WDPCP: variants seen among roughly 807,000 people sequenced by gnomAD.
WDPCP encodes WD repeat containing planar cell polarity effector.
WDPCP carries 71 observed loss-of-function variants against 93.1 expected under a neutral mutation model. That is an observed-to-expected ratio of 0.76 (90% confidence interval 0.63 to 0.93). WDPCP has a LOEUF of 0.93. Ranked by LOEUF, WDPCP falls within the 40% of genes least tolerant of loss-of-function variation. The probability of loss-of-function intolerance (pLI) is 0.00; values close to 1 mark genes in which losing one functional copy is unlikely to be tolerated. For missense variants in WDPCP, 844 were observed against 887.4 expected (o/e 0.95, Z 0.62); for synonymous variants, 315 against 315.0 (o/e 1.00, Z 0.00).
At chr2:63,516,229 A>G (rs1219615727) in intron 1 of WDPCP, among the ~76,000 whole-genome samples, 1 of 152,078 alleles carries the variant, frequency 6.6e-6, no homozygotes, top group Non-Finnish European at 1.5e-5. Context: ...TGATATTGCA[A>G]TACATTCATA....
chr2:63,689,648 C>T (rs1008734242), intron 2 of WDPCP, among the ~76,000 whole-genome samples: 1 of 152,204 alleles, frequency 6.6e-6, no homozygotes, highest in Non-Finnish European at 1.5e-5. Flanking sequence ...GAGAAAACAG[C>T]ATCATTGCTT....
At chr2:63,319,347 C>T (rs1686913165) in intron 12 of WDPCP, among the ~76,000 whole-genome samples, 1 of 151,990 alleles carries the variant, frequency 6.6e-6, no homozygotes, top group South Asian at 2.1e-4. Flanking sequence ...AAATTCTAAA[C>T]TTGAATGTAC....
chr2:63,632,564 G>A (rs988245632), intron 3 of WDPCP, among the ~76,000 whole-genome samples: 32 of 152,128 alleles, frequency 2.1e-4, no homozygotes, highest in Non-Finnish European at 4.1e-4. Context: ...GCTGAAGAAT[G>A]CAATGAATAA....
At chr2:63,446,415 T>C (rs1297552396) in intron 6 of WDPCP, among the ~76,000 whole-genome samples, 1 of 152,236 alleles carries the variant, frequency 6.6e-6, no homozygotes, top group Admixed American at 6.5e-5. Flanking sequence ...CTAGAGACAC[T>C]GCAGCTGTCA....
Position 63,221,661 on chromosome 2 carries a change from C to A in WDPCP, c.1915+37646G>T, listed in dbSNP as rs547692884. Among the ~76,000 whole-genome samples the A allele has an allele frequency of 2.0e-5, 3 of 152,224 alleles. No homozygotes were observed. The South Asian group carries it at 6.2e-4, about 32-fold the overall frequency. On this transcript the variant is annotated intron_variant, in intron 14 of 17. Coordinates refer to ENST00000272321, the MANE Select transcript of WDPCP (RefSeq NM_015910.7). ...GGAGCTTTTTAAAAGATACATAGAA[C>A]CAGGTGTATTGGTAGATAACTTCCC...
intron 13 of WDPCP, among the ~76,000 whole-genome samples, chr2:63,308,066 C>T (rs1685883148): frequency 6.6e-6 from 1 of 152,006 alleles, no homozygotes; most frequent in South Asian, 2.1e-4. Flanking sequence ...ACAAACAACC[C>T]CATCAAAAAG....
chr2:63,752,737 G>A (rs531919352), intron 2 of WDPCP: 1 of 216,380 alleles, frequency 4.6e-6, no homozygotes, highest in African/African-American at 2.3e-5. Flanking sequence ...TCCATTTTAG[G>A]ATTTATCAAT....
intron 3 of WDPCP, among the ~76,000 whole-genome samples, chr2:63,487,209 C>T (rs1700623801): frequency 6.6e-6 from 1 of 151,960 alleles, no homozygotes; most frequent in Admixed American, 6.6e-5. Flanking sequence ...TATAATCAGC[C>T]TGATCAGCAG....
chr2:63,373,434 T>A (rs1472874397), intron 12 of WDPCP, among the ~76,000 whole-genome samples: 1 of 151,744 alleles, frequency 6.6e-6, no homozygotes, highest in Non-Finnish European at 1.5e-5. Flanking sequence ...TAAAAAACGT[T>A]TTGTAGAGAC....
At chr2:63,618,156 C>A (rs1488181269) in intron 3 of WDPCP, among the ~76,000 whole-genome samples, 1 of 152,024 alleles carries the variant, frequency 6.6e-6, no homozygotes, top group Admixed American at 6.6e-5. Flanking sequence ...GAAATAAGAA[C>A]AATTTTCTTT....
At chr2:63,738,118 G>C (rs1291583812) in intron 2 of WDPCP, among the ~76,000 whole-genome samples, 3 of 152,054 alleles carry the variant, frequency 2.0e-5, no homozygotes, top group Non-Finnish European at 4.4e-5. Context: ...CCAGTGCTTA[G>C]GTGCTCTGTA....
intron 1 of WDPCP, among the ~76,000 whole-genome samples, chr2:63,816,390 T>C (rs886985280): frequency 2.0e-5 from 3 of 152,138 alleles, no homozygotes; most frequent in African/African-American, 7.2e-5. Context: ...GTGCCTATAT[T>C]TGGGAAAAGG....
Position 63,437,876 on chromosome 2 carries a change from G to A in WDPCP, c.500-322C>T, listed in dbSNP as rs746693141. 8.4e-5 allele frequency: 134 copies of A among 1,596,176 alleles called. No individual in the cohort carries two copies. The East Asian group carries it at 1.9e-3, about 23-fold the overall frequency. Reference sequence around the variant, plus strand: ...CTATTTCGCACCTGAATGTAGAGACGAAAACATTCCATTTTATTTGTGCTA... The same window carrying A: ...CTATTTCGCACCTGAATGTAGAGACAAAAACATTCCATTTTATTTGTGCTA... On this transcript the variant is annotated intron_variant, in intron 7 of 17. Coordinates refer to ENST00000272321, the MANE Select transcript of WDPCP (RefSeq NM_015910.7).
In WDPCP at chr2:63,120,683, C is replaced by T. The variant is rs1479189542; in HGVS notation, c.*1323G>A. On this transcript the variant is annotated 3_prime_UTR_variant, in exon 18 of 18. Transcript: ENST00000272321. ...TTGGGACTACAGGTGCACGCCACCACGCCCGGCTAATTTTTTTTTTTTTTG... is the reference window on the plus strand; with the variant it reads ...TTGGGACTACAGGTGCACGCCACCATGCCCGGCTAATTTTTTTTTTTTTTG... Among the ~76,000 whole-genome samples, 9 of 149,806 alleles carry T rather than the reference C, an allele frequency of 6.0e-5. No individual in the cohort carries two copies. Among genetic ancestry groups the T allele is most frequent in the Admixed American group, 2.7e-4 (4 of 14,990 alleles).
chr2:63,693,757 C>T (rs549775956), intron 2 of WDPCP, among the ~76,000 whole-genome samples: 3 of 152,158 alleles, frequency 2.0e-5, no homozygotes, highest in Non-Finnish European at 2.9e-5. Flanking sequence ...TTGCTAACAA[C>T]CCAGCACATT....
At chr2:63,739,053 G>GT (rs969846830) in intron 2 of WDPCP, among the ~76,000 whole-genome samples, 5 of 151,916 alleles carry the variant, frequency 3.3e-5, no homozygotes, top group African/African-American at 1.2e-4. Flanking sequence ...TTTATTTTAG[G>GT]TTTGGGGGTA....
At chr2:63,480,358 C>A (rs1206390108) in intron 6 of WDPCP, among the ~76,000 whole-genome samples, 1 of 152,024 alleles carries the variant, frequency 6.6e-6, no homozygotes, top group Admixed American at 6.6e-5. Context: ...ATACCACCAC[C>A]ATTCTTCACA....
chr2:63,732,844 T>C (rs1669580567), intron 2 of WDPCP, among the ~76,000 whole-genome samples: 1 of 152,142 alleles, frequency 6.6e-6, no homozygotes, highest in Admixed American at 6.5e-5. Flanking sequence ...GGGTGAATGA[T>C]GAAGAGTAAA....
chr2:63,815,678 G>A (rs1056685898), intron 1 of WDPCP, among the ~76,000 whole-genome samples: 4 of 152,146 alleles, frequency 2.6e-5, no homozygotes, highest in Non-Finnish European at 5.9e-5. Context: ...AAGGGTGGGA[G>A]GGCAGCCCAG....
Sources: allele counts gnomAD v4.1 joint callset (sites outside exome capture counted in the v4.1 genomes callset), GRCh38; gene constraint gnomAD v4.1.1; transcripts MANE v1.5; gene names NCBI Gene and HGNC (gene_info 2026-07-23, HGNC 2026-07-21).